OBI1: variants seen among roughly 807,000 people sequenced by gnomAD.
OBI1 encodes the protein ring finger protein 219.
Under a neutral mutation model 62.4 loss-of-function variants are expected in OBI1, and 59 were observed. The ratio of observed to expected loss-of-function variants is 0.95; its 90% CI spans 0.77 to 1.17. The LOEUF is 1.17. Among genes scored for constraint, OBI1 ranks in the 50% most tolerant of loss-of-function variants. OBI1 has a pLI of 0.00. For synonymous variants in OBI1, 302 were observed against 292.8 expected, an observed-to-expected ratio of 1.03 and a Z score of -0.32; for missense variants, 875 against 830.9, an observed-to-expected ratio of 1.05 and a Z score of -0.65.
chr13:78,618,787 C>T (rs991581833), intron 5 of OBI1, among the ~76,000 whole-genome samples: 10 of 152,126 alleles, frequency 6.6e-5, no homozygotes, highest in African/African-American at 2.2e-4. Context: ...AAGTTTACTA[C>T]TGTATTTGGT....
chr13:78,616,562 A>G lies in OBI1; in HGVS notation c.1199T>C (p.Leu400Pro). Residue 400 changes from leucine to proline, a missense_variant, in exon 6 of 6, where the codon CTC (leucine) becomes CCC (proline). Leu to Pro is a moderately conservative substitution (Grantham distance 98, BLOSUM62 -3). Transcript: ENST00000282003. Reference sequence around the variant, plus strand: ...GCTCTCTCTATTTTCTGGAGTACTGAGCTGAAGGCAACTAAGGGACAAAGG... The same window carrying G: ...GCTCTCTCTATTTTCTGGAGTACTGGGCTGAAGGCAACTAAGGGACAAAGG... The part of the protein sequence containing the change: ...CTPLSLSCLQ[L>P]STPENRESSV... 1.9e-6 allele frequency: 3 copies of G among 1,614,156 alleles called. No homozygotes were observed. The highest frequency in any genetic ancestry group is 2.5e-6 in the Non-Finnish European group (3 of 1,180,032).
chr13:78,616,500 T>A lies in OBI1; in HGVS notation c.1261A>T (p.Asn421Tyr). ...VQAGGSKKHS[N>Y]HLRKLVFDDF... ...TCAAACACCAATTTTCTGAGATGGT[T>A]TGAGTGCTTTTTGGAACCTCCTGCT... The change falls in exon 6 of 6, where the codon AAC becomes TAC. Residue 421 changes from asparagine to tyrosine, a missense_variant. Transcript: ENST00000282003. 6.2e-7 allele frequency: 1 copy of A among 1,614,194 alleles called. No individual in the cohort carries two copies. The highest frequency in any genetic ancestry group is 8.5e-7 in the Non-Finnish European group (1 of 1,180,034).
At position 78,615,478 on chromosome 13, in the gene OBI1, T is replaced by C. The variant is rs528402708; in HGVS notation, c.*102A>G. ...TGACTTGATACTTGACTAAAGATTA[T>C]CAATTCCAATTTGTATAGAACTTTT... On this transcript the variant is annotated 3_prime_UTR_variant, in exon 6 of 6. Coordinates refer to ENST00000282003, the MANE Select transcript of OBI1 (RefSeq NM_024546.4). 2.5e-6 allele frequency: 2 copies of C among 802,658 alleles called. No homozygotes were observed. Among genetic ancestry groups the C allele is most frequent in the Non-Finnish European group, 2.0e-6 (1 of 503,270 alleles). The allele number at this position is 802,658 out of a possible 1,614,324, so 49.7% of individuals were successfully genotyped here.
At chr13:78,647,386 G>A (rs1184239026) in intron 1 of OBI1, among the ~76,000 whole-genome samples, 2 of 152,238 alleles carry the variant, frequency 1.3e-5, no homozygotes, top group African/African-American at 2.4e-5. Context: ...GGCGGGAGGC[G>A]AGACATGTTG....
chr13:78,620,183 T>C (rs1008568944), intron 5 of OBI1, among the ~76,000 whole-genome samples: 4 of 152,226 alleles, frequency 2.6e-5, no homozygotes, highest in East Asian at 1.9e-4. Flanking sequence ...AAGGGCAATT[T>C]ACCTTATTAT....
At chr13:78,635,261 C>T (rs1482287618) in intron 4 of OBI1, 63 bp from the exon 5 acceptor site, 4 of 926,150 alleles carry the variant, frequency 4.3e-6, no homozygotes, top group Non-Finnish European at 3.5e-6. Flanking sequence ...GTAAAAATTA[C>T]AACATGAGCC....
intron 1 of OBI1, among the ~76,000 whole-genome samples, chr13:78,654,758 A>T (rs1024153471): frequency 6.6e-6 from 1 of 152,338 alleles, no homozygotes; most frequent in Non-Finnish European, 1.5e-5. Flanking sequence ...ATTTCTGGTT[A>T]TTTCAGCCAG....
At chr13:78,649,630 A>G (rs1590519) in intron 1 of OBI1, among the ~76,000 whole-genome samples, 140,896 of 152,234 alleles carry the variant, frequency 0.93, 66,130 homozygotes, top group East Asian at 1. Flanking sequence ...GGTTAGGAAT[A>G]CCAATGGGAA....
At chr13:78,638,756 T>C in intron 4 of OBI1, 67 bp downstream of exon 4, 1 of 1,369,042 alleles carries the variant, frequency 7.3e-7, no homozygotes, top group South Asian at 1.4e-5. Context: ...ATAATATGGC[T>C]ATTTATGCTT....
chr13:78,648,857 G>A (rs1030787692), intron 1 of OBI1, among the ~76,000 whole-genome samples: 3 of 150,216 alleles, frequency 2.0e-5, no homozygotes, highest in Non-Finnish European at 2.9e-5. Flanking sequence ...AGGTTGCGGC[G>A]AGCTGAGATC....
chr13:78,630,803 G>A (rs535316407), intron 5 of OBI1, among the ~76,000 whole-genome samples: 14 of 152,242 alleles, frequency 9.2e-5, no homozygotes, highest in South Asian at 8.3e-4. Context: ...TTGCTTATAA[G>A]CCAATCAGTT....
At chr13:78,646,528 G>A (rs1876389278) in intron 1 of OBI1, among the ~76,000 whole-genome samples, 1 of 152,008 alleles carries the variant, frequency 6.6e-6, no homozygotes, top group Non-Finnish European at 1.5e-5. Flanking sequence ...GTCTCTTCAC[G>A]GTGGGACTCA....
chr13:78,635,365 C>A (rs892127266), intron 4 of OBI1, among the ~76,000 whole-genome samples, 167 bp from the exon 5 acceptor site: 4 of 152,170 alleles, frequency 2.6e-5, no homozygotes, highest in African/African-American at 9.7e-5. Flanking sequence ...ACTTCAGAAA[C>A]TGAATACTAC....
chr13:78,627,289 TCTAC>T lies in OBI1; in HGVS notation c.638+7817_638+7820del, dbSNP rs1404473957. On this transcript the variant is annotated intron_variant, in intron 5 of 5. Transcript: ENST00000282003. ...GACATACACATTCCCCCATCCCACC[TCTAC>T]CTGTTTTATTTATTCTAAAAAAAAA... Among the ~76,000 whole-genome samples, 5 of 144,924 alleles carry T rather than the reference TCTAC, an allele frequency of 3.5e-5. 1 individual carries two copies. The South Asian group carries it at 9.0e-4, about 26-fold the overall frequency.
intron 2 of OBI1, 86 bp from the exon 3 acceptor site, chr13:78,642,299 C>A: frequency 1.2e-6 from 1 of 823,108 alleles, no homozygotes; most frequent in Non-Finnish European, 2.0e-6. Context: ...TTTTATATAG[C>A]TTCCCAGCTT....
intron 1 of OBI1, among the ~76,000 whole-genome samples, chr13:78,648,279 A>AACACACACACACACACACAC (rs3064402): frequency 2.0e-5 from 3 of 146,688 alleles, no homozygotes; most frequent in African/African-American, 5.1e-5. Flanking sequence ...ACTTCCCCCA[A>AACACACACACACACACACAC]ACACACACAC....
At chr13:78,634,737 G>C (rs558826722) in intron 5 of OBI1, among the ~76,000 whole-genome samples, 2 of 152,174 alleles carry the variant, frequency 1.3e-5, no homozygotes, top group Non-Finnish European at 2.9e-5. Context: ...CAAAGAGAAA[G>C]AACTATATGA....
In OBI1 at chr13:78,616,774, T is replaced by C. The variant is rs1875310662; in HGVS notation, c.987A>G (p.Glu329=). ...AGTTAAGGTCTGCTTTGCTGGTACT[T>C]TCCTGCCTTGCAGAACTGGTGTCAC... ...RLCDTSSARQ[E]STSKADLNCS... The change falls in exon 6 of 6, where the codon GAA becomes GAG. Residue 329 remains glutamate, a synonymous_variant. Transcript: ENST00000282003. The C allele has an allele frequency of 1.2e-6, 2 of 1,614,106 alleles. No homozygotes were observed. The highest frequency in any genetic ancestry group is 1.3e-5 in the African/African-American group (1 of 74,930).
At chr13:78,622,414 G>C (rs530923413) in intron 5 of OBI1, among the ~76,000 whole-genome samples, 20 of 152,222 alleles carry the variant, frequency 1.3e-4, no homozygotes, top group African/African-American at 4.6e-4. Flanking sequence ...GGTTGATATG[G>C]GACAAAACCA....
Sources: allele counts gnomAD v4.1 joint callset (sites outside exome capture counted in the v4.1 genomes callset), GRCh38; gene constraint gnomAD v4.1.1; transcripts MANE v1.5; gene names NCBI Gene and HGNC (gene_info 2026-07-23, HGNC 2026-07-21).